The following PWWP2A variants were observed in gnomAD, a reference collection of about 807,000 sequenced individuals.
PWWP2A encodes PWWP domain-containing protein 2A.
In PWWP2A, 18 loss-of-function variants were observed where a neutral mutation model predicts 48.5. The ratio of observed to expected loss-of-function variants is 0.37; its 90% CI spans 0.26 to 0.55. The LOEUF is 0.55. Among genes scored for constraint, PWWP2A ranks in the 20% least tolerant of loss-of-function variants. The pLI, the probability that PWWP2A is intolerant of heterozygous loss-of-function variation, is 0.81. For missense variants in PWWP2A, 867 were observed against 976.4 expected (o/e 0.89, Z 1.49); for synonymous variants, 396 against 387.7 (o/e 1.02, Z -0.25).
At chr5:160,085,654 G>A (rs1027474589) in intron 2 of PWWP2A, among the ~76,000 whole-genome samples, 15 of 151,098 alleles carry the variant, frequency 9.9e-5, no homozygotes, top group Admixed American at 4.0e-4. Context: ...TTACAGGTGC[G>A]TGCCAGCATG....
downstream of PWWP2A, among the ~76,000 whole-genome samples, chr5:160,072,858 G>A (rs1753773082): frequency 6.6e-6 from 1 of 151,940 alleles, no homozygotes; most frequent in African/African-American, 2.4e-5. Context: ...TCAAAAATTA[G>A]CCAGGCATGA....
intron 1 of PWWP2A, chr5:160,117,880 G>T: frequency 1.0e-6 from 1 of 984,928 alleles, no homozygotes; most frequent in Non-Finnish European, 1.2e-6. Flanking sequence ...TGCTGTTGCA[G>T]GAAACAGAAT....
rs1755083605 is a variant in PWWP2A, at chr5:160,091,738, C to T, written c.*644G>A. 1 of 985,032 alleles carries T rather than the reference C, an allele frequency of 1.0e-6. No homozygotes were observed. Among genetic ancestry groups the T allele is most frequent in the East Asian group, 1.1e-4 (1 of 8,800 alleles). 61.0% of individuals were successfully genotyped at this position (985,032 alleles called of 1,614,324 possible). On this transcript the variant is annotated 3_prime_UTR_variant, in exon 2 of 2. Transcript: ENST00000307063. ...CTATCCAGTCTTGACAGTTTTAATC[C>T]CAAACACTGGGCTATTTCCCCAGTC...
chr5:160,102,340 G>A (rs1468715660), intron 1 of PWWP2A, among the ~76,000 whole-genome samples: 3 of 144,808 alleles, frequency 2.1e-5, no homozygotes, highest in East Asian at 4.1e-4. Context: ...CCAAGGAGGC[G>A]AGTTTACAGA....
At chr5:160,109,819 A>AT (rs1282133999) in intron 1 of PWWP2A, among the ~76,000 whole-genome samples, 3 of 124,002 alleles carry the variant, frequency 2.4e-5, no homozygotes, top group African/African-American at 9.0e-5. Flanking sequence ...AAAATAATAT[A>AT]ATAATATATA....
rs1758380460 is a variant in PWWP2A at position 160,118,609 on chromosome 5, C to T, written c.584+196G>A. The stretch of plus-strand genomic sequence containing the variant: ...GGTGGCACACCTGCCCCGCAGGCGC[C>T]CACCTGGGGCCGGGACCGCCCTCTC... On this transcript the variant is annotated intron_variant, in intron 1 of 1. Transcript: ENST00000307063. Among the ~76,000 whole-genome samples, 3 of 152,268 alleles carry T rather than the reference C, an allele frequency of 2.0e-5. No homozygotes were observed. The South Asian group carries it at 6.2e-4, about 32-fold the overall frequency.
intron 1 of PWWP2A, among the ~76,000 whole-genome samples, chr5:160,101,814 A>G (rs1695343484): frequency 6.6e-6 from 1 of 151,920 alleles, no homozygotes; most frequent in Admixed American, 6.6e-5. Context: ...ATTAAAAAAA[A>G]AAAAAAAAAT....
chr5:160,109,770 AAAAAATATATATAT>A lies in PWWP2A; in HGVS notation c.584+9021_584+9034del, dbSNP rs1296125525. ...GGATGCAACTGGGAAAAAAAAAAAA[AAAAAATATATATAT>A]ATATATATATATATATATATATATA... On this transcript the variant is annotated intron_variant, in intron 1 of 1. Transcript: ENST00000307063. Among the ~76,000 whole-genome samples, 16 of 38,172 alleles carry A rather than the reference AAAAAATATATATAT, an allele frequency of 4.2e-4. No individual in the cohort carries two copies. The East Asian group carries it at 8.8e-3, about 21-fold the overall frequency. 25.0% of individuals were successfully genotyped at this position (38,172 alleles called of 152,430 possible).
intron 2 of PWWP2A, among the ~76,000 whole-genome samples, chr5:160,081,766 T>G (rs991083954): frequency 2.6e-5 from 4 of 152,234 alleles, no homozygotes; most frequent in African/African-American, 4.8e-5. Context: ...ATCTTAAGCC[T>G]AATTTTTAAA....
At chr5:160,054,323 A>G in the PWWP2A span, among the ~76,000 whole-genome samples, 1 of 152,322 alleles carries the variant, frequency 6.6e-6, no homozygotes, top group East Asian at 1.9e-4. Flanking sequence ...AATAGCTGGG[A>G]AAAAAGTTGG....
At chr5:160,048,126 C>CTTTTTTTTTTTTTTTTT in the PWWP2A span, among the ~76,000 whole-genome samples, 1 of 35,570 alleles carries the variant, frequency 2.8e-5, no homozygotes, top group African/African-American at 1.2e-4. Context: ...CAAGACATTG[C>CTTTTTTTTTTTTTTTTT]TTTTTTTTTT....
rs70987998 is a variant in PWWP2A, at chr5:160,095,047, CAAAAAAAAAA to C, written c.585-992_585-983del. ...TGGGCAACAGAGCAAGACTCTGTCT[CAAAAAAAAAA>C]AAAAAAAAAAAAAAAAAAAAGACTA... is the stretch of plus-strand genomic sequence containing the variant. On this transcript the variant is annotated intron_variant, in intron 1 of 1. Coordinates refer to ENST00000307063, the MANE Select transcript of PWWP2A (RefSeq NM_001130864.2). Among the ~76,000 whole-genome samples the C allele has an allele frequency of 4.0e-3, 124 of 30,870 alleles. 1 individual carries two copies. The highest frequency in any genetic ancestry group is 6.8e-3 in the East Asian group (6 of 876). The allele number at this position is 30,870 out of a possible 152,430, so 20.3% of individuals were successfully genotyped here.
In PWWP2A at chr5:160,093,109, C is replaced by T. The variant is rs1438671397; in HGVS notation, c.1541G>A (p.Arg514His). Residue 514 changes from arginine to histidine, a missense_variant, in exon 2 of 2, where the codon CGC becomes CAC. Physicochemically the swap from Arg to His is conservative, Grantham distance 29. Around this residue, in one of 4 missense-constraint regions of PWWP2A, gnomAD observed 382 missense variants for 407.2 expected, o/e 0.94. Transcript: ENST00000307063. The surrounding 1 kb of genome is among the most constrained non-coding windows in gnomAD (Gnocchi z 5.8). ...TTCTGAAGGGGCCTCACCTGCTGAG[C>T]GGGTAGAGGTGCAGCGAGACTGGGG... ...PKPQSRCTST[R>H]SAGEAPSENQ... is the part of the protein sequence containing the mutation. The T allele has an allele frequency of 5.0e-6, 8 of 1,613,866 alleles. No individual in the cohort carries two copies. Among genetic ancestry groups the T allele is most frequent in the Non-Finnish European group, 6.8e-6 (8 of 1,179,850 alleles).
At chr5:160,076,331 T>C (rs532382277) in exon 4 of PWWP2A, 1 of 152,364 alleles carries the variant, frequency 6.6e-6, no homozygotes, top group African/African-American at 2.4e-5. Context: ...TCATGTATCA[T>C]GGTTTGGGAG....
In PWWP2A at chr5:160,118,979, T is replaced by C. The variant is rs775139326; in HGVS notation, c.410A>G (p.Gln137Arg). ...PEEREEPPLP[Q>R]PVAPALVPPA... is the part of the protein sequence containing the mutation. The stretch of plus-strand genomic sequence containing the variant: ...CGGCACGAGCGCCGGGGCTACGGGC[T>C]GAGGCAGCGGCGGCTCCTCGCGCTC... The change falls in exon 1 of 2, where the codon CAG becomes CGG. Residue 137 changes from glutamine to arginine, a missense_variant. Gln to Arg is a conservative substitution (Grantham distance 43). Transcript: ENST00000307063. 8.1e-6 allele frequency: 13 copies of C among 1,598,390 alleles called. No homozygotes were observed. The African/African-American group carries it at 1.5e-4, about 19-fold the overall frequency.
At chr5:160,044,599 A>G in the PWWP2A span, among the ~76,000 whole-genome samples, 4 of 152,178 alleles carry the variant, frequency 2.6e-5, no homozygotes, top group Non-Finnish European at 4.4e-5. Flanking sequence ...TAGCATGTTA[A>G]TGCATTATAA....
chr5:160,088,591 A>G (rs1327466137), downstream of PWWP2A, among the ~76,000 whole-genome samples: 1 of 152,172 alleles, frequency 6.6e-6, no homozygotes, highest in Non-Finnish European at 1.5e-5. Flanking sequence ...TAGCTGTAAT[A>G]TAAGAAGAAT....
chr5:160,119,377 C>T lies in PWWP2A; in HGVS notation c.12G>A (p.Val4=), dbSNP rs1758492185. ...CTGCAGTCGCTGCCGCCTCTGCAGCCACGGCCGCCATTTTCTTCCTAGCTT... is the reference window on the plus strand; with the variant it reads ...CTGCAGTCGCTGCCGCCTCTGCAGCTACGGCCGCCATTTTCTTCCTAGCTT... MAA[V]AAEAAATAAS... is the part of the protein sequence containing the mutation. Residue 4 remains valine, a synonymous_variant, in exon 1 of 2, where the codon GTG becomes GTA. Transcript: ENST00000307063. 7.3e-7 allele frequency: 1 copy of T among 1,368,698 alleles called. No individual in the cohort carries two copies. The highest frequency in any genetic ancestry group is 9.4e-7 in the Non-Finnish European group (1 of 1,068,450). 84.8% of individuals were successfully genotyped at this position (1,368,698 alleles called of 1,614,324 possible). A position where few individuals can be genotyped will look rare whatever the true frequency, so the allele number is the denominator to read the frequency against.
At chr5:160,110,674 C>A (rs1162875241) in intron 1 of PWWP2A, among the ~76,000 whole-genome samples, 1 of 151,880 alleles carries the variant, frequency 6.6e-6, no homozygotes, top group Non-Finnish European at 1.5e-5. Context: ...CCATTGCACT[C>A]CAGCCTGGGC....
Sources: allele counts gnomAD v4.1 joint callset (sites outside exome capture counted in the v4.1 genomes callset), GRCh38; gene constraint gnomAD v4.1.1; regional missense constraint gnomAD v4.1.1; non-coding constraint Gnocchi (gnomAD v3.1); transcripts MANE v1.5; gene names NCBI Gene and HGNC (gene_info 2026-07-23, HGNC 2026-07-21).